Variants in TTC17 observed in about 807,000 individuals in gnomAD.
TTC17 encodes the protein tetratricopeptide repeat domain 17, also known as tetratricopeptide repeat protein 17.
A neutral mutation model predicts 143.8 loss-of-function variants in TTC17; 58 were observed. The ratio of observed to expected loss-of-function variants is 0.40; its 90% CI spans 0.33 to 0.50. TTC17 has a LOEUF of 0.50. Ranked by LOEUF, TTC17 falls within the 20% of genes least tolerant of loss-of-function variation. The pLI, the probability that TTC17 is intolerant of heterozygous loss-of-function variation, is 0.49. For synonymous variants in TTC17, 501 were observed against 497.8 expected, an observed-to-expected ratio of 1.01 and a Z score of -0.09; for missense variants, 1,273 against 1,392.5, an observed-to-expected ratio of 0.91 and a Z score of 1.37.
intron 21 of TTC17, among the ~76,000 whole-genome samples, chr11:43,482,650 T>C (rs1948309005): frequency 6.6e-6 from 1 of 152,162 alleles, no homozygotes; most frequent in South Asian, 2.1e-4. Context: ...AGGAATATTG[T>C]CTTCTGCTTT....
chr11:43,432,088 A>G (rs1447691039), intron 16 of TTC17, among the ~76,000 whole-genome samples: 2 of 152,234 alleles, frequency 1.3e-5, no homozygotes, highest in Admixed American at 1.3e-4. Context: ...ACCCAACTCT[A>G]ATTAGAAAGT....
At chr11:43,360,239 C>T (rs757324266) in intron 1 of TTC17, among the ~76,000 whole-genome samples, 8 of 152,128 alleles carry the variant, frequency 5.3e-5, no homozygotes, top group Admixed American at 1.3e-4. Flanking sequence ...ACTAAAAATC[C>T]GCCTAGGTAT....
chr11:43,493,287 A>C (rs1948504385), intron 23 of TTC17, among the ~76,000 whole-genome samples: 1 of 152,234 alleles, frequency 6.6e-6, no homozygotes, highest in Non-Finnish European at 1.5e-5. Flanking sequence ...AAAATGTACA[A>C]GTCCAGTTGA....
intron 23 of TTC17, among the ~76,000 whole-genome samples, chr11:43,493,090 T>C (rs1028469834): frequency 6.6e-6 from 1 of 152,230 alleles, no homozygotes; most frequent in African/African-American, 2.4e-5. Flanking sequence ...CCAGTAAATG[T>C]GAAGTTTGCT....
intron 1 of TTC17, among the ~76,000 whole-genome samples, chr11:43,361,164 C>T (rs1243852990): frequency 6.6e-6 from 1 of 152,178 alleles, no homozygotes; most frequent in Non-Finnish European, 1.5e-5. Context: ...ATGACCCATG[C>T]TTCCCTTCCT....
At position 43,408,453 on chromosome 11, in the gene TTC17, T is replaced by G. The variant is rs531754052; in HGVS notation, c.2064+876T>G. Reference sequence around the variant, plus strand: ...CAGAGAAGTACATCAAATATTTATCTAGTGCTTACTGTGTACCAGGTGCTG... The same window carrying G: ...CAGAGAAGTACATCAAATATTTATCGAGTGCTTACTGTGTACCAGGTGCTG... On this transcript the variant is annotated intron_variant, in intron 15 of 23. Transcript: ENST00000039989. 1.8e-4 allele frequency among the ~76,000 whole-genome samples: 27 copies of G among 152,340 alleles called. No homozygotes were observed. The South Asian group carries it at 5.6e-3, about 32-fold the overall frequency.
intron 21 of TTC17, among the ~76,000 whole-genome samples, chr11:43,451,507 C>G (rs74809594): frequency 9.3e-4 from 142 of 152,282 alleles, no homozygotes; most frequent in African/African-American, 3.3e-3. Flanking sequence ...GTTTTCTCTT[C>G]TTTACCCCAG....
At chr11:43,412,827 C>T (rs1370048586) in intron 15 of TTC17, among the ~76,000 whole-genome samples, 1 of 152,162 alleles carries the variant, frequency 6.6e-6, no homozygotes, top group Non-Finnish European at 1.5e-5. Context: ...ATCATGTTCA[C>T]ACATTGAGAG....
intron 2 of TTC17, among the ~76,000 whole-genome samples, chr11:43,383,078 G>A (rs1857034326): frequency 6.6e-6 from 1 of 151,280 alleles, no homozygotes; most frequent in Non-Finnish European, 1.5e-5. Flanking sequence ...TTTATTTTTT[G>A]TAGAGACAGC....
intron 1 of TTC17, among the ~76,000 whole-genome samples, chr11:43,365,821 A>G (rs915635058): frequency 8.5e-5 from 13 of 152,196 alleles, no homozygotes; most frequent in South Asian, 2.1e-4. Context: ...TAGACCACAC[A>G]TAGTCTAAGA....
chr11:43,434,148 A>G (rs1164730476), intron 16 of TTC17, among the ~76,000 whole-genome samples: 1 of 148,418 alleles, frequency 6.7e-6, no homozygotes, highest in Non-Finnish European at 1.5e-5. Flanking sequence ...CTTCTTTCCC[A>G]TTAGCCCTCC....
chr11:43,362,637 G>C (rs1452026782), intron 1 of TTC17, among the ~76,000 whole-genome samples: 1 of 151,920 alleles, frequency 6.6e-6, no homozygotes, highest in Non-Finnish European at 1.5e-5. Context: ...AGAGATGGGG[G>C]TCTTTCTTTA....
intron 22 of TTC17, 92 bp downstream of exon 22, chr11:43,490,450 C>T: frequency 6.8e-7 from 1 of 1,468,760 alleles, no homozygotes; most frequent in Non-Finnish European, 9.1e-7. Context: ...CTCCCTCATG[C>T]TCAGCCAGTG....
intron 18 of TTC17, chr11:43,447,482 G>A (rs1479435882): frequency 6.6e-6 from 1 of 152,538 alleles, no homozygotes; most frequent in Non-Finnish European, 1.5e-5. Context: ...AGACATTTTT[G>A]TTGTTATATC....
intron 2 of TTC17, among the ~76,000 whole-genome samples, chr11:43,387,194 T>C (rs1388253349): frequency 1.3e-5 from 2 of 152,248 alleles, no homozygotes; most frequent in African/African-American, 2.4e-5. Flanking sequence ...TTCAATCTTA[T>C]TAAATATTAT....
chr11:43,398,530 A>T (rs2134558832), intron 8 of TTC17, among the ~76,000 whole-genome samples: 1 of 152,264 alleles, frequency 6.6e-6, no homozygotes, highest in Middle Eastern at 3.4e-3. Flanking sequence ...CCTCTTGGAG[A>T]GAGGTGGTGG....
chr11:43,433,552 G>A (rs757417845), intron 16 of TTC17, among the ~76,000 whole-genome samples: 4 of 152,194 alleles, frequency 2.6e-5, no homozygotes, highest in Admixed American at 6.5e-5. Context: ...TGCACAAGAT[G>A]TCTGAGTTTG....
Position 43,444,130 on chromosome 11 carries a change from A to G in TTC17, c.2586A>G (p.Thr862=). 6.2e-7 allele frequency: 1 copy of G among 1,613,462 alleles called. No homozygotes were observed. Among genetic ancestry groups the G allele is most frequent in the East Asian group, 2.2e-5 (1 of 44,826 alleles). The change falls in exon 18 of 24, where the codon ACA becomes ACG. Residue 862 remains threonine (T), a synonymous_variant. Coordinates refer to ENST00000039989, the MANE Select transcript of TTC17 (RefSeq NM_018259.6). ...AAACTCCTGGGAAAAAAGTAGAAAC[A>G]GGTCAGATAGAAAATGGACATCGTT... ...HKKTPGKKVE[T]GQIENGHRYQ... is the part of the protein sequence containing the mutation.
At chr11:43,438,419 A>T (rs1302506116) in intron 16 of TTC17, among the ~76,000 whole-genome samples, 1 of 152,176 alleles carries the variant, frequency 6.6e-6, no homozygotes, top group Non-Finnish European at 1.5e-5. Flanking sequence ...TTGGCCTCCC[A>T]AATGCATGAG....
Sources: allele counts gnomAD v4.1 joint callset (sites outside exome capture counted in the v4.1 genomes callset), GRCh38; gene constraint gnomAD v4.1.1; transcripts MANE v1.5; gene names NCBI Gene and HGNC (gene_info 2026-07-23, HGNC 2026-07-21).